PTPRJ: variants seen among roughly 807,000 people sequenced by gnomAD.
PTPRJ encodes the protein receptor-type tyrosine-protein phosphatase eta.
PTPRJ carries 129 observed loss-of-function variants against 141.3 expected under a neutral mutation model. The observed-to-expected ratio is 0.91, with a 90% CI of 0.79 to 1.06. PTPRJ has a LOEUF of 1.06. PTPRJ is among the 50% of genes least tolerant of loss of function. The pLI, the probability that PTPRJ is intolerant of heterozygous loss-of-function variation, is 0.00. For synonymous variants in PTPRJ, 610 were observed against 640.5 expected (o/e 0.95, Z 0.72); for missense variants, 1,601 against 1,679.7 (o/e 0.95, Z 0.82).
chr11:47,981,328 C>T (rs1172843955), intron 1 of PTPRJ, among the ~76,000 whole-genome samples: 2 of 152,136 alleles, frequency 1.3e-5, no homozygotes, highest in African/African-American at 2.4e-5. Context: ...ATCTGGCGGG[C>T]ACGGGCCCGG....
intron 1 of PTPRJ, among the ~76,000 whole-genome samples, chr11:48,105,998 T>C (rs1480682215): frequency 1.3e-5 from 2 of 152,118 alleles, no homozygotes; most frequent in East Asian, 3.8e-4. Context: ...GAAAACAGAC[T>C]CTTTAAAACT....
intron 1 of PTPRJ, among the ~76,000 whole-genome samples, chr11:48,064,812 G>A (rs895561894): frequency 1.3e-5 from 2 of 151,706 alleles, no homozygotes; most frequent in Non-Finnish European, 2.9e-5. Flanking sequence ...GTAGAGACAG[G>A]GTTTTGCCAT....
intron 10 of PTPRJ, among the ~76,000 whole-genome samples, chr11:48,137,572 A>G (rs1857135019): frequency 6.6e-6 from 1 of 152,202 alleles, no homozygotes; most frequent in Non-Finnish European, 1.5e-5. Context: ...AAAGGCCTCA[A>G]TGACAAGGTG....
intron 11 of PTPRJ, among the ~76,000 whole-genome samples, chr11:48,141,737 C>G (rs1857232597): frequency 1.3e-5 from 2 of 152,252 alleles, no homozygotes; most frequent in South Asian, 4.1e-4. Context: ...TCATATGGGA[C>G]TGGGGGAGAG....
At chr11:48,147,124 C>T (rs1415050423) in intron 15 of PTPRJ, among the ~76,000 whole-genome samples, 161 bp downstream of exon 15, 1 of 152,188 alleles carries the variant, frequency 6.6e-6, no homozygotes, top group Non-Finnish European at 1.5e-5. Context: ...TCCTCTGCGC[C>T]CCCAGCTGGG....
At chr11:48,085,816 G>A (rs1317135594) in intron 1 of PTPRJ, among the ~76,000 whole-genome samples, 1 of 152,190 alleles carries the variant, frequency 6.6e-6, no homozygotes, top group Non-Finnish European at 1.5e-5. Flanking sequence ...TTTTCTAAGC[G>A]AATGATTAGT....
At chr11:48,103,199 C>T (rs1304604147) in intron 1 of PTPRJ, among the ~76,000 whole-genome samples, 1 of 152,162 alleles carries the variant, frequency 6.6e-6, no homozygotes, top group African/African-American at 2.4e-5. Flanking sequence ...TGTGGTGGCT[C>T]ATGCCTGCCC....
intron 1 of PTPRJ, among the ~76,000 whole-genome samples, chr11:48,053,222 A>ATATATATTATATAT: frequency 1.1e-5 from 1 of 89,618 alleles, no homozygotes; most frequent in African/African-American, 5.3e-5. Flanking sequence ...ATAATATATT[A>ATATATATTATATAT]AATATATTAT....
chr11:48,102,342 G>A (rs528132000), intron 1 of PTPRJ, among the ~76,000 whole-genome samples: 8 of 152,260 alleles, frequency 5.3e-5, no homozygotes, highest in African/African-American at 1.9e-4. Context: ...TGTCTTTAAT[G>A]TGGCCAAATG....
intron 1 of PTPRJ, among the ~76,000 whole-genome samples, chr11:48,054,881 G>T (rs190551644): frequency 6.6e-6 from 1 of 151,492 alleles, no homozygotes; most frequent in African/African-American, 2.4e-5. Context: ...GTAACTGAAG[G>T]GGGGTATATA....
Position 48,127,943 on chromosome 11 carries a change from T to G in PTPRJ, c.1257T>G (p.Ala419=). Residue 419 remains alanine (A), a synonymous_variant, in exon 7 of 25, where the codon GCT becomes GCG. Transcript: ENST00000418331. ...ATCTCAACGTCAGTGAGCCTCGCGC[T>G]GTCATCCCCGGACTCCGCTCCAGCA... is the stretch of plus-strand genomic sequence containing the variant. ...SSNLNVSEPR[A]VIPGLRSSTF... 1 of 1,614,198 alleles carries G rather than the reference T, an allele frequency of 6.2e-7. No individual in the cohort carries two copies. Among genetic ancestry groups the G allele is most frequent in the South Asian group, 1.1e-5 (1 of 91,082 alleles).
chr11:48,002,825 C>T (rs1009969515), intron 1 of PTPRJ, among the ~76,000 whole-genome samples: 18 of 152,114 alleles, frequency 1.2e-4, no homozygotes, highest in African/African-American at 3.9e-4. Context: ...TTGAGGCAGG[C>T]AGGCCTCAGT....
At chr11:48,098,731 G>A (rs1856079840) in intron 1 of PTPRJ, among the ~76,000 whole-genome samples, 2 of 76,296 alleles carry the variant, frequency 2.6e-5, no homozygotes, top group Admixed American at 1.7e-4. Context: ...GTGTTAGCCA[G>A]GATGGTCCCG....
rs1190841577 is a variant in PTPRJ at position 48,112,796 on chromosome 11, A to T, written c.165A>T (p.Glu55Asp). 4.3e-6 allele frequency: 7 copies of T among 1,614,124 alleles called. No individual in the cohort carries two copies. In the African/African-American group the frequency reaches 6.7e-5, roughly 15 times the overall value. ...DPSVATVATG[E>D]NGITQISSTA... ...CAGTAGCAACTGTTGCCACAGGGGA[A>T]AATGGCATAACGCAGATCAGCAGTA... Residue 55 changes from glutamate to aspartate, a missense_variant, in exon 3 of 25, where the codon GAA becomes GAT. Coordinates refer to ENST00000418331, the MANE Select transcript of PTPRJ (RefSeq NM_002843.4).
chr11:48,059,889 C>G (rs1437754801), intron 1 of PTPRJ, among the ~76,000 whole-genome samples: 1 of 152,204 alleles, frequency 6.6e-6, no homozygotes, highest in East Asian at 1.9e-4. Flanking sequence ...CTCTTACCCA[C>G]CATACCTGCT....
intron 1 of PTPRJ, 99 bp from the exon 2 acceptor site, chr11:48,109,959 C>T: frequency 7.4e-7 from 1 of 1,357,548 alleles, no homozygotes; most frequent in African/African-American, 1.4e-5. Flanking sequence ...CTTCTTACCA[C>T]CCCACCCCCA....
At chr11:48,125,417 C>T (rs1316118588) in intron 6 of PTPRJ, among the ~76,000 whole-genome samples, 1 of 152,180 alleles carries the variant, frequency 6.6e-6, no homozygotes, top group Non-Finnish European at 1.5e-5. Context: ...CCCCTGTGTG[C>T]GGGCACCAGG....
At chr11:48,020,180 G>A (rs1855076097) in intron 1 of PTPRJ, among the ~76,000 whole-genome samples, 1 of 152,152 alleles carries the variant, frequency 6.6e-6, no homozygotes, top group Non-Finnish European at 1.5e-5. Flanking sequence ...GAAACTTCAG[G>A]AGGTTTTAGC....
At chr11:48,014,174 G>A (rs1366063932) in intron 1 of PTPRJ, among the ~76,000 whole-genome samples, 1 of 152,084 alleles carries the variant, frequency 6.6e-6, no homozygotes. Context: ...TCCTTGTTAG[G>A]ATCATTTAGA....
Sources: gnomAD v4.1 joint callset for allele counts (sites outside exome capture counted in the v4.1 genomes callset) on GRCh38, gnomAD v4.1.1 for gene constraint, MANE v1.5 for transcripts, NCBI Gene and HGNC (gene_info 2026-07-23, HGNC 2026-07-21) for gene names.